L3MBTL4: variants seen among roughly 807,000 people sequenced by gnomAD.
L3MBTL4 encodes the protein lethal(3)malignant brain tumor-like protein 4.
A neutral mutation model predicts 84.5 loss-of-function variants in L3MBTL4; 70 were observed. That is an observed-to-expected ratio of 0.83 (90% CI 0.68 to 1.01). L3MBTL4 has a LOEUF of 1.01. Ranked by LOEUF, L3MBTL4 falls within the 50% of genes least tolerant of loss-of-function variation. L3MBTL4 has a pLI of 0.00. For synonymous variants in L3MBTL4, 274 were observed against 259.8 expected, an observed-to-expected ratio of 1.05 and a Z score of -0.52; for missense variants, 715 against 754.8, an observed-to-expected ratio of 0.95 and a Z score of 0.62.
chr18:6,329,568 T>G (rs527485615), intron 1 of L3MBTL4, among the ~76,000 whole-genome samples: 1 of 152,298 alleles, frequency 6.6e-6, no homozygotes, highest in African/African-American at 2.4e-5. Context: ...AAAAGGAATT[T>G]ATTTCTTACA....
intron 16 of L3MBTL4, among the ~76,000 whole-genome samples, chr18:6,008,449 G>T (rs1290964731): frequency 1.3e-5 from 2 of 152,186 alleles, no homozygotes; most frequent in African/African-American, 4.8e-5. Flanking sequence ...TAGATTGGTG[G>T]CTTCAACACC....
chr18:6,121,655 A>T (rs919757175), intron 14 of L3MBTL4, among the ~76,000 whole-genome samples: 1 of 151,246 alleles, frequency 6.6e-6, no homozygotes, highest in African/African-American at 2.4e-5. Flanking sequence ...TTATTTTTTA[A>T]ATAAATCATA....
intron 12 of L3MBTL4, among the ~76,000 whole-genome samples, chr18:6,193,938 A>C (rs35154530): frequency 6.6e-6 from 1 of 152,168 alleles, no homozygotes; most frequent in African/African-American, 2.4e-5. Flanking sequence ...CAACTTGCTA[A>C]TATATAATAA....
intron 1 of L3MBTL4, among the ~76,000 whole-genome samples, chr18:6,325,098 T>C (rs1479114528): frequency 6.6e-6 from 1 of 152,082 alleles, no homozygotes; most frequent in African/African-American, 2.4e-5. Flanking sequence ...CAACTCAGCA[T>C]GAACTTGAAA....
chr18:6,308,848 G>A (rs1186639679), intron 3 of L3MBTL4, among the ~76,000 whole-genome samples: 7 of 152,074 alleles, frequency 4.6e-5, no homozygotes, highest in Non-Finnish European at 5.9e-5. Flanking sequence ...GAGGGGATAC[G>A]GTGGATAATT....
At chr18:6,165,907 C>T (rs1435799590) in intron 13 of L3MBTL4, among the ~76,000 whole-genome samples, 1 of 152,072 alleles carries the variant, frequency 6.6e-6, no homozygotes, top group Non-Finnish European at 1.5e-5. Context: ...ACAGTCAAGA[C>T]CCATCAGTGT....
intron 6 of L3MBTL4, 135 bp downstream of exon 6, chr18:6,244,349 C>T: frequency 1.9e-6 from 1 of 523,452 alleles, no homozygotes; most frequent in South Asian, 3.9e-5. Flanking sequence ...CATAGTTTCA[C>T]CCATCGCTGA....
intron 1 of L3MBTL4, among the ~76,000 whole-genome samples, chr18:6,344,331 A>G (rs2052765118): frequency 6.6e-6 from 1 of 152,198 alleles, no homozygotes; most frequent in South Asian, 2.1e-4. Context: ...TATACAATCT[A>G]CCCAAACTGA....
chr18:6,351,615 G>A (rs1476369952), intron 1 of L3MBTL4, among the ~76,000 whole-genome samples: 1 of 151,726 alleles, frequency 6.6e-6, no homozygotes, highest in African/African-American at 2.4e-5. Flanking sequence ...GCAGTGGCGT[G>A]ATCTCGGCTC....
intron 16 of L3MBTL4, among the ~76,000 whole-genome samples, chr18:6,001,065 CA>C (rs2054189854): frequency 6.6e-6 from 1 of 152,354 alleles, no homozygotes; most frequent in African/African-American, 2.4e-5. Context: ...AGCCCTGTGG[CA>C]GGCAGCTGTG....
chr18:6,301,510 C>CT (rs2146829664), intron 4 of L3MBTL4, among the ~76,000 whole-genome samples: 1 of 152,252 alleles, frequency 6.6e-6, no homozygotes, highest in South Asian at 2.1e-4. Flanking sequence ...AATGCACAAT[C>CT]TCCTCTACAA....
At chr18:6,177,341 AT>A (rs1461338639) in intron 12 of L3MBTL4, among the ~76,000 whole-genome samples, 2 of 152,216 alleles carry the variant, frequency 1.3e-5, no homozygotes, top group Non-Finnish European at 2.9e-5. Flanking sequence ...AACAGACTTC[AT>A]GTTGAGCAAT....
intron 4 of L3MBTL4, among the ~76,000 whole-genome samples, chr18:6,266,163 A>T (rs1160759634): frequency 6.6e-6 from 1 of 152,218 alleles, no homozygotes; most frequent in East Asian, 1.9e-4. Flanking sequence ...TCATTTATTC[A>T]CATATTTATA....
At chr18:6,359,711 AGCACTCTGTT>A (rs2053598865) in intron 1 of L3MBTL4, among the ~76,000 whole-genome samples, 1 of 152,150 alleles carries the variant, frequency 6.6e-6, no homozygotes, top group African/African-American at 2.4e-5. Flanking sequence ...CTGAGATTCT[AGCACTCTGTT>A]GAAGTACTAG....
intron 1 of L3MBTL4, among the ~76,000 whole-genome samples, chr18:6,371,097 G>T (rs973846612): frequency 1.3e-5 from 2 of 152,136 alleles, no homozygotes; most frequent in African/African-American, 2.4e-5. Flanking sequence ...GGCTTTGAGG[G>T]TCATAGTCCC....
rs140601678 is a variant in L3MBTL4, at chr18:6,386,883, G to A, written c.-91+27918C>T. Among the ~76,000 whole-genome samples, 48 of 152,284 alleles carry A rather than the reference G, an allele frequency of 3.2e-4. No homozygotes were observed. In the East Asian group the frequency reaches 8.7e-3, roughly 28 times the overall value. ...CATGAGAATGAGACTAAAGGGTTAGGAAGAGAAGAAAGCACTTAAGGAACC... is the reference window on the plus strand; with the variant it reads ...CATGAGAATGAGACTAAAGGGTTAGAAAGAGAAGAAAGCACTTAAGGAACC... On this transcript the variant is annotated intron_variant, in intron 1 of 18. Coordinates refer to ENST00000317931, the MANE Select transcript of L3MBTL4 (RefSeq NM_001330559.2).
chr18:6,176,582 A>C (rs972467042), intron 12 of L3MBTL4, among the ~76,000 whole-genome samples: 1 of 152,188 alleles, frequency 6.6e-6, no homozygotes, highest in African/African-American at 2.4e-5. Context: ...ACAAAACATA[A>C]AAGCTAAAAC....
intron 4 of L3MBTL4, among the ~76,000 whole-genome samples, chr18:6,300,327 T>C (rs1217149706): frequency 6.6e-6 from 1 of 152,182 alleles, no homozygotes; most frequent in Non-Finnish European, 1.5e-5. Flanking sequence ...TTCCTAAACA[T>C]TTGTTATGTT....
Position 5,984,669 on chromosome 18 carries a change from C to G in L3MBTL4, c.1445-15107G>C, listed in dbSNP as rs561909851. Reference sequence around the variant, plus strand: ...CTTCCCCCACCTTGATACATTATTTCTATCAAAGGTAGCATTGCTGCTCAT... The same window carrying G: ...CTTCCCCCACCTTGATACATTATTTGTATCAAAGGTAGCATTGCTGCTCAT... On this transcript the variant is annotated intron_variant, in intron 16 of 18. Coordinates refer to ENST00000317931, the MANE Select transcript of L3MBTL4 (RefSeq NM_001330559.2). Among the ~76,000 whole-genome samples, 436 of 152,262 alleles carry G rather than the reference C, an allele frequency of 2.9e-3. 2 individuals are homozygous for G. The highest frequency in any genetic ancestry group is 5.0e-3 in the Non-Finnish European group (337 of 68,020).
Sources: gnomAD v4.1 joint callset for allele counts (sites outside exome capture counted in the v4.1 genomes callset) on GRCh38, gnomAD v4.1.1 for gene constraint, MANE v1.5 for transcripts, NCBI Gene and HGNC (gene_info 2026-07-23, HGNC 2026-07-21) for gene names.